The following MYRIP variants were observed in gnomAD, a reference collection of about 807,000 sequenced individuals.
The protein encoded by MYRIP is myosin VIIA and Rab interacting protein.
A neutral mutation model predicts 98.0 loss-of-function variants in MYRIP; 49 were observed. The ratio of observed to expected loss-of-function variants is 0.50; its 90% CI spans 0.40 to 0.63. MYRIP has a LOEUF of 0.63. Among genes scored for constraint, MYRIP ranks in the 30% least tolerant of loss-of-function variants. The pLI is 0.00. For synonymous variants in MYRIP, 404 were observed against 409.5 expected, an observed-to-expected ratio of 0.99 and a Z score of 0.16; for missense variants, 1,004 against 1,058.2, an observed-to-expected ratio of 0.95 and a Z score of 0.71.
intron 3 of MYRIP, chr3:40,099,919 C>T: frequency 8.0e-6 from 7 of 879,162 alleles, no homozygotes; most frequent in Non-Finnish European, 9.5e-6. Flanking sequence ...GTGCCTCTCT[C>T]TCCCTGTTGC....
At chr3:39,823,298 G>A (rs952489680) in intron 1 of MYRIP, among the ~76,000 whole-genome samples, 1 of 152,166 alleles carries the variant, frequency 6.6e-6, no homozygotes, top group East Asian at 1.9e-4. Flanking sequence ...ACAGGCGTGA[G>A]CCACCGTGCC....
intron 1 of MYRIP, among the ~76,000 whole-genome samples, chr3:39,833,876 G>A (rs908795850): frequency 8.6e-5 from 13 of 151,882 alleles, no homozygotes; most frequent in African/African-American, 2.4e-4. Flanking sequence ...CAAAAAATTC[G>A]CAATTAGCTG....
chr3:40,206,704 G>C (rs1449173041), intron 10 of MYRIP, among the ~76,000 whole-genome samples: 3 of 152,138 alleles, frequency 2.0e-5, no homozygotes, highest in African/African-American at 7.2e-5. Flanking sequence ...AGTAGGGCAG[G>C]AACAGTGTCA....
Position 40,244,576 on chromosome 3 carries a change from C to A in MYRIP, c.2231C>A (p.Ala744Asp). The A allele has an allele frequency of 6.2e-7, 1 of 1,613,774 alleles. No homozygotes were observed. The highest frequency in any genetic ancestry group is 8.5e-7 in the Non-Finnish European group (1 of 1,179,826). ...GATCTGGAGGACCAGGTGGCCACGG[C>A]TGCAGCCCAAGTCCACCATGCTGAA... ...LADLEDQVAT[A>D]AAQVHHAELQ... is the part of the protein sequence containing the mutation. The change falls in exon 13 of 17, where the codon GCT becomes GAT. Residue 744 changes from alanine (A) to aspartate (D), a missense_variant. Around this residue, in one of 3 missense-constraint regions of MYRIP, gnomAD observed 16 missense variants for 39.5 expected, o/e 0.41. Transcript: ENST00000302541.
chr3:40,214,528 TG>T (rs1189834531), intron 11 of MYRIP, among the ~76,000 whole-genome samples: 1 of 152,252 alleles, frequency 6.6e-6, no homozygotes, highest in Non-Finnish European at 1.5e-5. Flanking sequence ...TGTCTTCCTT[TG>T]GCTGGATGCT....
intron 2 of MYRIP, among the ~76,000 whole-genome samples, chr3:40,005,383 T>A (rs867764836): frequency 6.6e-6 from 1 of 152,252 alleles, no homozygotes; most frequent in Non-Finnish European, 1.5e-5. Flanking sequence ...CCCATGTATA[T>A]GTCTCAGGCA....
intron 3 of MYRIP, among the ~76,000 whole-genome samples, chr3:40,128,536 C>G: frequency 6.6e-6 from 1 of 152,180 alleles, no homozygotes; most frequent in East Asian, 1.9e-4. Flanking sequence ...CCCTGTATTG[C>G]ATGTGTTCCG....
intron 2 of MYRIP, among the ~76,000 whole-genome samples, chr3:39,924,560 C>A (rs1354696979): frequency 6.6e-6 from 1 of 151,996 alleles, no homozygotes; most frequent in East Asian, 1.9e-4. Flanking sequence ...CCTCTCCCAA[C>A]AACCGATAGA....
chr3:40,095,893 A>G (rs1948820972), intron 3 of MYRIP, among the ~76,000 whole-genome samples: 1 of 147,574 alleles, frequency 6.8e-6, no homozygotes, highest in Non-Finnish European at 1.5e-5. Flanking sequence ...TTCTCCTACC[A>G]CCTCAGCACC....
At chr3:39,891,845 T>G (rs531165744) in intron 1 of MYRIP, among the ~76,000 whole-genome samples, 1 of 152,178 alleles carries the variant, frequency 6.6e-6, no homozygotes, top group South Asian at 2.1e-4. Context: ...TGTTATTTTG[T>G]AGAGATTCTT....
At chr3:40,130,882 T>A (rs1949624010) in intron 3 of MYRIP, among the ~76,000 whole-genome samples, 1 of 152,160 alleles carries the variant, frequency 6.6e-6, no homozygotes. Flanking sequence ...GCTAGTTATA[T>A]GACCATCACA....
At chr3:40,225,170 G>C (rs989048473) in intron 11 of MYRIP, among the ~76,000 whole-genome samples, 5 of 152,188 alleles carry the variant, frequency 3.3e-5, no homozygotes, top group Non-Finnish European at 7.3e-5. Flanking sequence ...CGACACAGAG[G>C]AGTGATGAGC....
chr3:39,839,919 A>G (rs927595677), intron 1 of MYRIP, among the ~76,000 whole-genome samples: 1 of 152,158 alleles, frequency 6.6e-6, no homozygotes, highest in Non-Finnish European at 1.5e-5. Flanking sequence ...AATAAGTGCT[A>G]TGTGGTACTG....
chr3:40,101,699 G>A (rs1948948981), intron 3 of MYRIP, among the ~76,000 whole-genome samples: 1 of 151,736 alleles, frequency 6.6e-6, no homozygotes, highest in Non-Finnish European at 1.5e-5. Context: ...AGTTATTTTT[G>A]TTTCTATATT....
At chr3:39,863,920 A>G (rs1559500638) in intron 1 of MYRIP, among the ~76,000 whole-genome samples, 2 of 152,122 alleles carry the variant, frequency 1.3e-5, no homozygotes, top group Non-Finnish European at 2.9e-5. Context: ...AGCAAACCAA[A>G]TCCAGCAGCA....
chr3:40,035,099 G>C (rs7629989), intron 2 of MYRIP, among the ~76,000 whole-genome samples: 1 of 146,766 alleles, frequency 6.8e-6, no homozygotes, highest in African/African-American at 2.5e-5. Flanking sequence ...GGGAGGGATA[G>C]CATTAGGAGA....
chr3:40,060,614 A>AGAGAGAGAGAGAGAGAGAGAGAGAGAGG (rs894059877), intron 3 of MYRIP, among the ~76,000 whole-genome samples: 32 of 151,490 alleles, frequency 2.1e-4, no homozygotes, highest in African/African-American at 7.5e-4. Flanking sequence ...AGAGAGAGAG[A>AGAGAGAGAGAGAGAGAGAGAGAGAGAGG]GAGATTCGCT....
chr3:40,159,400 G>C (rs1429894554), intron 4 of MYRIP, among the ~76,000 whole-genome samples: 1 of 151,726 alleles, frequency 6.6e-6, no homozygotes, highest in East Asian at 1.9e-4. Flanking sequence ...GAGGGTAACT[G>C]GACCTTTCTC....
chr3:39,923,634 G>A (rs1000686390), intron 2 of MYRIP, among the ~76,000 whole-genome samples: 4 of 152,046 alleles, frequency 2.6e-5, no homozygotes, highest in Non-Finnish European at 2.9e-5. Flanking sequence ...TCTGTTACCA[G>A]GAGACCTTTG....
Sources: gnomAD v4.1 joint callset for allele counts (sites outside exome capture counted in the v4.1 genomes callset) on GRCh38, gnomAD v4.1.1 for gene constraint, gnomAD v4.1.1 regional missense constraint, MANE v1.5 for transcripts, NCBI Gene and HGNC (gene_info 2026-07-23, HGNC 2026-07-21) for gene names.